ATXN8OS: variants seen among roughly 807,000 people sequenced by gnomAD.
ATXN8OS encodes the protein ATXN8 opposite strand (non-protein coding).
At chr13:70,168,426 A>C (rs896383887) in intron 4 of ATXN8OS, among the ~76,000 whole-genome samples, 1 of 151,970 alleles carries the variant, frequency 6.6e-6, no homozygotes, top group Non-Finnish European at 1.5e-5. Context: ...TGCTGACTAT[A>C]GTTATCCTAC....
At position 70,145,353 on chromosome 13, in the gene ATXN8OS, T is replaced by C. The variant is rs987408161; in HGVS notation, n.500-2002T>C. 5.3e-5 allele frequency among the ~76,000 whole-genome samples: 8 copies of C among 152,068 alleles called. No individual in the cohort carries two copies. In the East Asian group the frequency reaches 1.2e-3, roughly 22 times the overall value. The stretch of plus-strand genomic sequence containing the variant: ...ATACGGGCTCTTTTTTGGTTCCATA[T>C]GAACTTTAAAGTAGTTTTTTCCAAT... On this transcript the variant is annotated intron_variant and non_coding_transcript_variant, in intron 3 of 4. Coordinates refer to ENST00000678624, the Ensembl canonical transcript of ATXN8OS.
intron 4 of ATXN8OS, among the ~76,000 whole-genome samples, chr13:70,159,294 C>CT (rs573176257): frequency 2.0e-5 from 3 of 151,504 alleles, no homozygotes; most frequent in Admixed American, 2.0e-4. Flanking sequence ...CAAAATCATG[C>CT]TTTTTGTAGA....
At chr13:70,145,406 A>G (rs574238847) in intron 3 of ATXN8OS, among the ~76,000 whole-genome samples, 2 of 151,862 alleles carry the variant, frequency 1.3e-5, no homozygotes, top group African/African-American at 4.8e-5. Flanking sequence ...TGGTAGCTTG[A>G]TGGGGATGGC....
intron 4 of ATXN8OS, among the ~76,000 whole-genome samples, chr13:70,166,762 C>T (rs1889081118): frequency 6.6e-6 from 1 of 152,072 alleles, no homozygotes; most frequent in South Asian, 2.1e-4. Flanking sequence ...ATTTTTCCAA[C>T]CTACTCATCT....
chr13:70,110,099 A>G (rs1017281677), intron 1 of ATXN8OS, among the ~76,000 whole-genome samples: 1 of 152,152 alleles, frequency 6.6e-6, no homozygotes, highest in Non-Finnish European at 1.5e-5. Flanking sequence ...ATATGTTTAA[A>G]GGACAATATT....
At chr13:70,144,709 T>A (rs1888759714) in intron 3 of ATXN8OS, among the ~76,000 whole-genome samples, 1 of 152,150 alleles carries the variant, frequency 6.6e-6, no homozygotes, top group African/African-American at 2.4e-5. Flanking sequence ...GAAATTCATC[T>A]TATCAATTTA....
intron 4 of ATXN8OS, among the ~76,000 whole-genome samples, chr13:70,153,147 C>G (rs150819945): frequency 4.0e-5 from 6 of 151,882 alleles, no homozygotes; most frequent in African/African-American, 1.4e-4. Context: ...TAAGTGAGTT[C>G]AGCACATCTC....
chr13:70,156,148 T>C (rs1385816959), intron 4 of ATXN8OS, among the ~76,000 whole-genome samples: 1 of 151,786 alleles, frequency 6.6e-6, no homozygotes, highest in Non-Finnish European at 1.5e-5. Context: ...AAAAAATGAT[T>C]TTTTTCAGCA....
At chr13:70,144,300 C>A (rs1888753752) in intron 3 of ATXN8OS, among the ~76,000 whole-genome samples, 1 of 152,060 alleles carries the variant, frequency 6.6e-6, no homozygotes, top group Admixed American at 6.6e-5. Flanking sequence ...TGGAAATTCT[C>A]CCTCTTTGCG....
At chr13:70,126,606 A>ATT (rs1184680660) in intron 2 of ATXN8OS, among the ~76,000 whole-genome samples, 3 of 139,794 alleles carry the variant, frequency 2.1e-5, no homozygotes, top group East Asian at 2.0e-4. Context: ...ATCTAGACAT[A>ATT]TTATATATAT....
chr13:70,153,804 C>G (rs578080496), intron 4 of ATXN8OS, among the ~76,000 whole-genome samples: 29 of 151,984 alleles, frequency 1.9e-4, no homozygotes, highest in Non-Finnish European at 7.4e-5. Context: ...CTCAACCTCC[C>G]AAGCAGCTAG....
intron 4 of ATXN8OS, among the ~76,000 whole-genome samples, chr13:70,152,304 T>C (rs1228758449): frequency 1.3e-5 from 2 of 152,036 alleles, no homozygotes; most frequent in African/African-American, 4.8e-5. Flanking sequence ...TAGCACTATT[T>C]ATGTTTTCTT....
intron 4 of ATXN8OS, among the ~76,000 whole-genome samples, chr13:70,152,382 CATAT>C (rs756076816): frequency 2.0e-5 from 3 of 151,448 alleles, no homozygotes; most frequent in African/African-American, 7.3e-5. Context: ...TATATGTATA[CATAT>C]ATATACACAT....
At chr13:70,115,394 A>G (rs1032058605) in intron 2 of ATXN8OS, 1 of 396,338 alleles carries the variant, frequency 2.5e-6, no homozygotes, top group Non-Finnish European at 4.4e-6. Flanking sequence ...ACACTGTGGC[A>G]TTAGGGATTA....
At chr13:70,171,468 G>A (rs1889143740) in exon 5 of ATXN8OS, among the ~76,000 whole-genome samples, 1 of 152,088 alleles carries the variant, frequency 6.6e-6, no homozygotes, top group Non-Finnish European at 1.5e-5. Context: ...GGATAATTGT[G>A]TACATTTTAA....
chr13:70,164,822 T>A lies in ATXN8OS; in HGVS notation n.574-4931T>A, dbSNP rs777128326. On this transcript the variant is annotated intron_variant and non_coding_transcript_variant, in intron 4 of 4. Transcript: ENST00000678624. Reference sequence around the variant, plus strand: ...CACTGTATTTCTAGAAAATGATTGCTCCATGATGAGCTTCCTATATTCAAC... The same window carrying A: ...CACTGTATTTCTAGAAAATGATTGCACCATGATGAGCTTCCTATATTCAAC... Among the ~76,000 whole-genome samples the A allele has an allele frequency of 2.2e-4, 34 of 151,944 alleles. 1 individual carries two copies. The highest frequency in any genetic ancestry group is 6.6e-5 in the Admixed American group (1 of 15,238).
At chr13:70,166,299 T>A (rs1889074524) in intron 4 of ATXN8OS, among the ~76,000 whole-genome samples, 1 of 152,076 alleles carries the variant, frequency 6.6e-6, no homozygotes, top group Non-Finnish European at 1.5e-5. Flanking sequence ...AACAGCATGG[T>A]ACTGGTACCA....
At chr13:70,151,877 T>C (rs1320099124) in intron 4 of ATXN8OS, among the ~76,000 whole-genome samples, 2 of 152,108 alleles carry the variant, frequency 1.3e-5, no homozygotes, top group African/African-American at 4.8e-5. Flanking sequence ...TAGAATCATT[T>C]TGAGATATAT....
At chr13:70,126,594 CT>C (rs759534542) in intron 2 of ATXN8OS, among the ~76,000 whole-genome samples, 3 of 146,048 alleles carry the variant, frequency 2.1e-5, no homozygotes, top group Non-Finnish European at 3.0e-5. Context: ...CTATTTCTAT[CT>C]ATCTAGACAT....
Sources: gnomAD v4.1 joint callset for allele counts (sites outside exome capture counted in the v4.1 genomes callset) on GRCh38, gnomAD v4.1.1 for gene constraint, MANE v1.5 for transcripts, NCBI Gene and HGNC (gene_info 2026-07-23, HGNC 2026-07-21) for gene names.